TXNL4B: variants seen among roughly 807,000 people sequenced by gnomAD.
TXNL4B encodes thioredoxin-like protein 4B.
In TXNL4B, 12 loss-of-function variants were observed where a neutral mutation model predicts 13.0. The observed-to-expected ratio is 0.92, with a 90% CI of 0.59 to 1.49. The LOEUF is 1.49. TXNL4B is among the 40% of genes most tolerant of loss of function. TXNL4B has a pLI of 0.00. For missense variants in TXNL4B, 214 were observed against 173.6 expected (o/e 1.23, Z -1.31); for synonymous variants, 59 against 58.9 (o/e 1.00, Z -0.01).
intron 1 of TXNL4B, among the ~76,000 whole-genome samples, chr16:72,092,906 G>A (rs1000519009): frequency 6.6e-6 from 1 of 152,188 alleles, no homozygotes; most frequent in Admixed American, 6.5e-5. Context: ...ATAGTGGTAG[G>A]GGCAGGCACA....
rs755873470 is a variant in TXNL4B, at chr16:72,086,804, T to C, written c.285-2A>G. 2.4e-5 allele frequency: 38 copies of C among 1,591,314 alleles called. No individual in the cohort carries two copies. Among genetic ancestry groups the C allele is most frequent in the Non-Finnish European group, 3.2e-5 (37 of 1,163,074 alleles). Reference sequence around the variant, plus strand: ...ACAAACTTAGTGTGATCTGGAGATCTAGACAGCATAGAAGAGAAACAACTG... The same window carrying C: ...ACAAACTTAGTGTGATCTGGAGATCCAGACAGCATAGAAGAGAAACAACTG... On this transcript the variant is annotated splice_acceptor_variant, in intron 3 of 3. Transcript: ENST00000268483. LOFTEE classifies it high-confidence loss of function.
chr16:72,086,314 G>C lies in TXNL4B; in HGVS notation c.*323C>G, dbSNP rs1472707503. On this transcript the variant is annotated 3_prime_UTR_variant, in exon 4 of 4. Transcript: ENST00000268483. ...CAAATGAACATGATGAAATCAAGTT[G>C]TACTAGCCAATGTTTGGGAGGGTTC... The C allele has an allele frequency of 1.6e-5, 3 of 192,664 alleles. No homozygotes were observed. Among genetic ancestry groups the C allele is most frequent in the Non-Finnish European group, 3.2e-5 (3 of 93,418 alleles). The allele number at this position is 192,664 out of a possible 1,614,324, so 11.9% of individuals were successfully genotyped here.
intron 1 of TXNL4B, among the ~76,000 whole-genome samples, chr16:72,091,454 C>T (rs770849878): frequency 6.6e-6 from 1 of 152,182 alleles, no homozygotes; most frequent in Non-Finnish European, 1.5e-5. Flanking sequence ...GCAGGCAAAC[C>T]TCCCTGTCCC....
At chr16:72,090,843 T>A in intron 1 of TXNL4B, 57 bp from the exon 2 acceptor site, 1 of 1,390,536 alleles carries the variant, frequency 7.2e-7, no homozygotes. Flanking sequence ...GAGCCCTCAT[T>A]AAAAAAAATT....
At chr16:72,089,175 G>C (rs373706657) in intron 2 of TXNL4B, 37 bp from the exon 3 acceptor site, 38 of 1,565,398 alleles carry the variant, frequency 2.4e-5, no homozygotes, top group African/African-American at 5.4e-5. Flanking sequence ...TACAATATGA[G>C]AGGCAGCTTA....
At chr16:72,089,320 C>T (rs918371463) in intron 2 of TXNL4B, among the ~76,000 whole-genome samples, 182 bp from the exon 3 acceptor site, 1 of 152,130 alleles carries the variant, frequency 6.6e-6, no homozygotes, top group East Asian at 1.9e-4. Context: ...TTCACTGCAA[C>T]GGGGTTAGGA....
At chr16:72,089,682 G>A (rs530464780) in intron 2 of TXNL4B, among the ~76,000 whole-genome samples, 6 of 152,284 alleles carry the variant, frequency 3.9e-5, no homozygotes, top group African/African-American at 1.2e-4. Context: ...ATTCCCTAAC[G>A]TCTCCTTCCT....
In TXNL4B at chr16:72,086,600, T is replaced by C. The variant is rs746499842; in HGVS notation, c.*37A>G. Reference sequence around the variant, plus strand: ...GCTGGATTCAGGTACTGTGTCAAGATGTGCCTTCTTCTTCATCTTTGACAG... The same window carrying C: ...GCTGGATTCAGGTACTGTGTCAAGACGTGCCTTCTTCTTCATCTTTGACAG... On this transcript the variant is annotated 3_prime_UTR_variant, in exon 4 of 4. Transcript: ENST00000268483. The C allele has an allele frequency of 3.2e-6, 5 of 1,580,332 alleles. No homozygotes were observed. Among genetic ancestry groups the C allele is most frequent in the Non-Finnish European group, 4.3e-6 (5 of 1,151,664 alleles).
chr16:72,091,627 G>T (rs1341298256), intron 1 of TXNL4B, among the ~76,000 whole-genome samples: 1 of 152,160 alleles, frequency 6.6e-6, no homozygotes, highest in Non-Finnish European at 1.5e-5. Context: ...CTCTGTCATG[G>T]CAGCATATTA....
At chr16:72,088,012 G>C (rs527952142) in intron 3 of TXNL4B, among the ~76,000 whole-genome samples, 36 of 152,300 alleles carry the variant, frequency 2.4e-4, no homozygotes, top group African/African-American at 8.7e-4. Flanking sequence ...GTAGAGACAG[G>C]GTTTCACTGT....
At chr16:72,088,221 C>G (rs1376932749) in intron 3 of TXNL4B, among the ~76,000 whole-genome samples, 1 of 152,046 alleles carries the variant, frequency 6.6e-6, no homozygotes, top group Non-Finnish European at 1.5e-5. Flanking sequence ...GCCTTGGCCT[C>G]CCAAAGTGCT....
chr16:72,086,575 G>C lies in TXNL4B; in HGVS notation c.*62C>G. On this transcript the variant is annotated 3_prime_UTR_variant, in exon 4 of 4. Transcript: ENST00000268483. ...CAAAGGACTCCAGAAACACAGCACA[G>C]CTGGATTCAGGTACTGTGTCAAGAT... 1.4e-6 allele frequency: 2 copies of C among 1,474,526 alleles called. No homozygotes were observed. The highest frequency in any genetic ancestry group is 1.9e-6 in the Non-Finnish European group (2 of 1,065,714). The allele number at this position is 1,474,526 out of a possible 1,614,324, so 91.3% of individuals were successfully genotyped here. A position where few individuals can be genotyped will look rare whatever the true frequency, so the allele number is the denominator to read the frequency against.
At chr16:72,088,735 G>C (rs937736642) in intron 3 of TXNL4B, among the ~76,000 whole-genome samples, 7 of 152,092 alleles carry the variant, frequency 4.6e-5, no homozygotes, top group African/African-American at 1.7e-4. Context: ...TCATACTTAA[G>C]TCGGAAATTA....
At chr16:72,090,250 T>C (rs1022087789) in intron 2 of TXNL4B, 14 of 460,450 alleles carry the variant, frequency 3.0e-5, no homozygotes, top group African/African-American at 2.6e-4. Flanking sequence ...GATCTGCACC[T>C]GTGGGAAATT....
At position 72,085,638 on chromosome 16, in the gene TXNL4B, G is replaced by A. The variant is rs1223003025; in HGVS notation, c.*999C>T. On this transcript the variant is annotated 3_prime_UTR_variant, in exon 4 of 4. Transcript: ENST00000268483. ...CTCCTGCTAAGGTGGCTCATTCATT[G>A]TTTTACCTGAATAGAGTGGTGGATG... 1.3e-5 allele frequency: 2 copies of A among 152,142 alleles called. No individual in the cohort carries two copies. The highest frequency in any genetic ancestry group is 2.9e-5 in the Non-Finnish European group (2 of 68,024). The allele number at this position is 152,142 out of a possible 1,614,324, so 9.4% of individuals were successfully genotyped here. A position where few individuals can be genotyped will look rare whatever the true frequency, so the allele number is the denominator to read the frequency against.
chr16:72,087,137 T>C (rs979403132), intron 3 of TXNL4B, among the ~76,000 whole-genome samples: 3 of 152,258 alleles, frequency 2.0e-5, no homozygotes, highest in African/African-American at 7.2e-5. Flanking sequence ...CGTTTGCTGT[T>C]GTTGCTTTTG....
Position 72,090,700 on chromosome 16 carries a change from G to C in TXNL4B, c.50C>G (p.Ala17Gly). The C allele has an allele frequency of 1.2e-6, 2 of 1,614,002 alleles. No homozygotes were observed. The highest frequency in any genetic ancestry group is 1.7e-6 in the Non-Finnish European group (2 of 1,180,010). The change falls in exon 2 of 4, where the codon GCG (alanine) becomes GGG (glycine). Residue 17 changes from alanine (A) to glycine (G), a missense_variant. Transcript: ENST00000268483. ...KLTSKKEVDQ[A>G]IKSTAEKVLV... ...CACCTTCTCAGCAGTACTTTTTATC[G>C]CCTGGTCTACTTCCTTTTTGCTAGT...
chr16:72,092,357 G>A (rs1027745910), intron 1 of TXNL4B, among the ~76,000 whole-genome samples: 1 of 151,334 alleles, frequency 6.6e-6, no homozygotes, highest in Non-Finnish European at 1.5e-5. Context: ...AGGTTGCAGT[G>A]AGCTAGGATC....
chr16:72,087,068 T>C (rs2041833448), intron 3 of TXNL4B, among the ~76,000 whole-genome samples: 1 of 152,244 alleles, frequency 6.6e-6, no homozygotes, highest in African/African-American at 2.4e-5. Flanking sequence ...AATCTATTTT[T>C]ATCACTTCTC....
Sources: allele counts gnomAD v4.1 joint callset (sites outside exome capture counted in the v4.1 genomes callset), GRCh38; gene constraint gnomAD v4.1.1; transcripts MANE v1.5; gene names NCBI Gene and HGNC (gene_info 2026-07-23, HGNC 2026-07-21).